UVRAG: variants seen among roughly 807,000 people sequenced by gnomAD.
UVRAG encodes the protein UV radiation resistance associated, also known as UV radiation resistance-associated gene protein.
UVRAG carries 19 observed loss-of-function variants against 78.0 expected under a neutral mutation model. The observed-to-expected ratio is 0.24, with a 90% confidence interval of 0.17 to 0.36. UVRAG has a LOEUF of 0.36. Among genes scored for constraint, UVRAG ranks in the 10% least tolerant of loss-of-function variants. The pLI is 1.00. For missense variants in UVRAG, 740 were observed against 853.8 expected (o/e 0.87, Z 1.66); for synonymous variants, 323 against 324.6 (o/e 1.00, Z 0.05).
intron 6 of UVRAG, among the ~76,000 whole-genome samples, chr11:75,947,171 A>T (rs1421201301): frequency 6.6e-6 from 1 of 152,166 alleles, no homozygotes; most frequent in African/African-American, 2.4e-5. Context: ...ATACTTCAAC[A>T]TGAATTTGGG....
At chr11:76,137,608 G>T (rs1287384079) in intron 14 of UVRAG, 3 of 373,770 alleles carry the variant, frequency 8.0e-6, no homozygotes, top group South Asian at 2.0e-5. Context: ...TCTTAAGAGA[G>T]ACCATTTTGG....
chr11:75,866,376 T>TAAATTAAATA (rs1555077123), intron 3 of UVRAG, among the ~76,000 whole-genome samples: 51 of 150,344 alleles, frequency 3.4e-4, no homozygotes, highest in African/African-American at 1.2e-3. Context: ...AATAAATAAA[T>TAAATTAAATA]AAATAAAATA....
At chr11:75,941,517 C>A (rs1323519852) in intron 6 of UVRAG, among the ~76,000 whole-genome samples, 1 of 152,044 alleles carries the variant, frequency 6.6e-6, no homozygotes, top group African/African-American at 2.4e-5. Flanking sequence ...GGTTGAGCGT[C>A]TGAAATCCCA....
At chr11:76,098,543 G>A (rs184528213) in intron 13 of UVRAG, among the ~76,000 whole-genome samples, 12 of 152,258 alleles carry the variant, frequency 7.9e-5, no homozygotes, top group Admixed American at 7.9e-4. Flanking sequence ...AATTTTTGGA[G>A]TTAGCTAGGA....
chr11:76,100,505 C>A (rs925984973), intron 13 of UVRAG, among the ~76,000 whole-genome samples: 1 of 152,110 alleles, frequency 6.6e-6, no homozygotes, highest in Non-Finnish European at 1.5e-5. Context: ...CCCATGAATT[C>A]TCTCCTAATA....
intron 7 of UVRAG, among the ~76,000 whole-genome samples, chr11:75,972,216 T>C (rs764875580): frequency 2.0e-5 from 3 of 152,174 alleles, no homozygotes; most frequent in Non-Finnish European, 4.4e-5. Context: ...CTTTTGCAGA[T>C]TTTAAAGATT....
At position 75,888,886 on chromosome 11, in the gene UVRAG, G is replaced by A. The variant is rs778443812; in HGVS notation, c.490G>A (p.Ala164Thr). 6.2e-7 allele frequency: 1 copy of A among 1,612,852 alleles called. No homozygotes were observed. Among genetic ancestry groups the A allele is most frequent in the Non-Finnish European group, 8.5e-7 (1 of 1,179,458 alleles). ...IFGLNDGYYG[A>T]PFEHKGYSNA... ...TGGGCTGAATGATGGATACTATGGT[G>A]CTCCATTTGAACATAAGGTAAGAAG... Residue 164 changes from alanine to threonine, a missense_variant, in exon 5 of 15, where the codon GCT (alanine) becomes ACT (threonine). Coordinates refer to ENST00000356136, the MANE Select transcript of UVRAG (RefSeq NM_003369.4).
chr11:75,818,378 C>A (rs1372088800), intron 1 of UVRAG, among the ~76,000 whole-genome samples: 1 of 150,840 alleles, frequency 6.6e-6, no homozygotes, highest in Non-Finnish European at 1.5e-5. Context: ...TACAAAATTT[C>A]AAATATTTAG....
chr11:75,906,043 T>G (rs1232276833), intron 5 of UVRAG, among the ~76,000 whole-genome samples: 3 of 152,178 alleles, frequency 2.0e-5, no homozygotes, highest in Non-Finnish European at 4.4e-5. Flanking sequence ...CATTTTAAAA[T>G]TGAGTTGTCT....
intron 1 of UVRAG, among the ~76,000 whole-genome samples, chr11:75,817,515 G>A (rs1945285568): frequency 6.6e-6 from 1 of 152,082 alleles, no homozygotes; most frequent in African/African-American, 2.4e-5. Flanking sequence ...ATCTTTCTGG[G>A]GGTGTCAACC....
At chr11:75,975,962 G>A (rs192727352) in intron 7 of UVRAG, among the ~76,000 whole-genome samples, 3 of 152,078 alleles carry the variant, frequency 2.0e-5, no homozygotes, top group African/African-American at 7.2e-5. Context: ...AAAGGGAATG[G>A]TTCCAGTTTT....
chr11:76,099,227 C>T (rs1951836981), intron 13 of UVRAG, among the ~76,000 whole-genome samples: 1 of 152,156 alleles, frequency 6.6e-6, no homozygotes, highest in African/African-American at 2.4e-5. Flanking sequence ...AGCTGCTGGG[C>T]ATTTAACAGT....
chr11:76,122,154 C>A (rs1358344181), intron 14 of UVRAG, among the ~76,000 whole-genome samples: 1 of 152,170 alleles, frequency 6.6e-6, no homozygotes, highest in African/African-American at 2.4e-5. Flanking sequence ...AAAAGTACGA[C>A]ATGCTATAAG....
intron 12 of UVRAG, among the ~76,000 whole-genome samples, chr11:76,054,341 A>G (rs1216140929): frequency 6.6e-6 from 1 of 152,116 alleles, no homozygotes; most frequent in African/African-American, 2.4e-5. Context: ...TCTTGGTTCA[A>G]ACCGCTGTCT....
chr11:75,958,925 C>T (rs1430241191), intron 6 of UVRAG, among the ~76,000 whole-genome samples: 2 of 152,180 alleles, frequency 1.3e-5, no homozygotes, highest in African/African-American at 4.8e-5. Flanking sequence ...CCCATCAGCA[C>T]TCTTGGGTGA....
intron 13 of UVRAG, among the ~76,000 whole-genome samples, chr11:76,081,814 A>AT (rs943818284): frequency 6.6e-6 from 1 of 152,112 alleles, no homozygotes; most frequent in African/African-American, 2.4e-5. Context: ...AACTTAAAAT[A>AT]TATCGACAAT....
chr11:75,900,727 G>A (rs1056388609), intron 5 of UVRAG, among the ~76,000 whole-genome samples: 1 of 152,164 alleles, frequency 6.6e-6, no homozygotes, highest in Non-Finnish European at 1.5e-5. Flanking sequence ...CTTGGAGTGT[G>A]TGCCTGTGAT....
intron 12 of UVRAG, among the ~76,000 whole-genome samples, chr11:76,060,830 C>T (rs1951073436): frequency 6.6e-6 from 1 of 152,246 alleles, no homozygotes; most frequent in Non-Finnish European, 1.5e-5. Flanking sequence ...TGCAGCCCGC[C>T]ATGCCTGAGC....
chr11:76,110,739 A>T (rs185287677), intron 13 of UVRAG, among the ~76,000 whole-genome samples: 73 of 152,254 alleles, frequency 4.8e-4, no homozygotes, highest in Non-Finnish European at 8.7e-4. Context: ...AGACATAGAG[A>T]CAAGAAAGAG....
Sources: allele counts gnomAD v4.1 joint callset (sites outside exome capture counted in the v4.1 genomes callset), GRCh38; gene constraint gnomAD v4.1.1; transcripts MANE v1.5; gene names NCBI Gene and HGNC (gene_info 2026-07-23, HGNC 2026-07-21).